The following IGSF11 variants were observed in gnomAD, a reference collection of about 807,000 sequenced individuals.
IGSF11 encodes the protein immunoglobulin superfamily member 11, also known as CXADR like 1.
IGSF11 carries 22 observed loss-of-function variants against 41.0 expected under a neutral mutation model. That is an observed-to-expected ratio of 0.54 (90% confidence interval 0.38 to 0.77). IGSF11 has a LOEUF of 0.77. Among genes scored for constraint, IGSF11 ranks in the 30% least tolerant of loss-of-function variants. IGSF11 has a pLI of 0.00. For synonymous variants in IGSF11, 219 were observed against 201.3 expected, an observed-to-expected ratio of 1.09 and a Z score of -0.74; for missense variants, 444 against 530.8, an observed-to-expected ratio of 0.84 and a Z score of 1.61.
At chr3:119,031,625 A>C (rs114229512) in intron 1 of IGSF11, among the ~76,000 whole-genome samples, 4 of 152,346 alleles carry the variant, frequency 2.6e-5, no homozygotes, top group African/African-American at 4.8e-5. Flanking sequence ...ACGCTTTTTA[A>C]GTGCTTGGTA....
At chr3:119,010,902 C>T (rs1389205192) in intron 1 of IGSF11, among the ~76,000 whole-genome samples, 3 of 152,156 alleles carry the variant, frequency 2.0e-5, no homozygotes, top group African/African-American at 7.2e-5. Flanking sequence ...TGGCTCTCTT[C>T]AGTAAATGTA....
rs572510273 is a variant in IGSF11, at chr3:118,953,600, C to T, written c.53-23325G>A. The stretch of plus-strand genomic sequence containing the variant: ...ATTTTTTTTATTATGGCCATTCTTG[C>T]AGAAGTAACATGGTATCGCATTGTG... On this transcript the variant is annotated intron_variant, in intron 1 of 6. Transcript: ENST00000393775. 2.6e-5 allele frequency among the ~76,000 whole-genome samples: 4 copies of T among 152,252 alleles called. No individual in the cohort carries two copies. In the South Asian group the frequency reaches 8.3e-4, roughly 32 times the overall value.
At chr3:118,917,876 G>A (rs1165715556) in intron 4 of IGSF11, among the ~76,000 whole-genome samples, 3 of 138,372 alleles carry the variant, frequency 2.2e-5, no homozygotes, top group Non-Finnish European at 3.1e-5. Context: ...CTGGCAAACC[G>A]AATCCAGCAG....
rs189902157 is a variant in IGSF11 at position 119,077,646 on chromosome 3, C to T, written c.49+27498G>A. ...GACAAGAATGCCTACTCTCAACTCT[C>T]CTATTCAACATAGCACTGGAAGTCC... On this transcript the variant is annotated intron_variant, in intron 1 of 6. Coordinates refer to the IGSF11 transcript ENST00000354673. Among the ~76,000 whole-genome samples the T allele has an allele frequency of 9.9e-5, 15 of 152,196 alleles. No homozygotes were observed. The East Asian group carries it at 2.9e-3, about 29-fold the overall frequency.
intron 1 of IGSF11, among the ~76,000 whole-genome samples, chr3:118,932,282 G>A (rs576472223): frequency 2.1e-4 from 32 of 152,194 alleles, no homozygotes; most frequent in Admixed American, 3.9e-4. Flanking sequence ...AATACATTCA[G>A]TCTATGACAG....
chr3:118,977,655 C>T (rs977772890), intron 1 of IGSF11, among the ~76,000 whole-genome samples: 8 of 152,170 alleles, frequency 5.3e-5, no homozygotes, highest in African/African-American at 1.7e-4. Flanking sequence ...GTGTGGAGAA[C>T]GGGTGAGAGA....
intron 1 of IGSF11, among the ~76,000 whole-genome samples, chr3:118,978,721 C>T (rs1039931566): frequency 6.6e-6 from 1 of 152,134 alleles, no homozygotes; most frequent in African/African-American, 2.4e-5. Context: ...ATTGCATGTA[C>T]CCAGAATCAA....
At chr3:119,034,452 T>C in intron 1 of IGSF11, 79 bp downstream of exon 1, 1 of 1,325,910 alleles carries the variant, frequency 7.5e-7, no homozygotes, top group Non-Finnish European at 9.9e-7. Context: ...GGAGGCTCTT[T>C]GCCGTCCCCA....
At chr3:118,911,721 CAGAGAGAGAGAGAGAGAA>C (rs1940330348) in intron 4 of IGSF11, among the ~76,000 whole-genome samples, 1 of 149,374 alleles carries the variant, frequency 6.7e-6, no homozygotes, top group Non-Finnish European at 1.5e-5. Context: ...AGAGGAGACA[CAGAGAGAGAGAGAGAGAA>C]AGAGAGAGAG....
chr3:118,928,774 C>T, intron 2 of IGSF11, 58 bp from the exon 3 acceptor site: 3 of 1,277,912 alleles, frequency 2.3e-6, no homozygotes, highest in Non-Finnish European at 3.3e-6. Context: ...AGACACAAAA[C>T]AATAACTATT....
intron 1 of IGSF11, among the ~76,000 whole-genome samples, chr3:118,999,316 C>G (rs1936577227): frequency 6.6e-6 from 1 of 152,000 alleles, no homozygotes; most frequent in Non-Finnish European, 1.5e-5. Flanking sequence ...GAAATGAATA[C>G]TTTCGAAAAC....
intron 1 of IGSF11, among the ~76,000 whole-genome samples, chr3:118,963,625 G>A (rs1945483558): frequency 6.6e-6 from 1 of 152,140 alleles, no homozygotes; most frequent in African/African-American, 2.4e-5. Flanking sequence ...TAGTAGTACT[G>A]AAGTGCTAAA....
At chr3:118,921,002 G>A (rs1941723824) in intron 4 of IGSF11, among the ~76,000 whole-genome samples, 1 of 151,892 alleles carries the variant, frequency 6.6e-6, no homozygotes. Context: ...CCCTCTACCT[G>A]GAATGCTCTC....
At chr3:119,034,114 A>C (rs550308998) in intron 1 of IGSF11, among the ~76,000 whole-genome samples, 25 of 152,352 alleles carry the variant, frequency 1.6e-4, no homozygotes, top group African/African-American at 5.5e-4. Flanking sequence ...AAAGCTATAA[A>C]GTTTTCCAAA....
chr3:119,086,760 A>G (rs2076682146), intron 1 of IGSF11, among the ~76,000 whole-genome samples: 1 of 152,232 alleles, frequency 6.6e-6, no homozygotes, highest in South Asian at 2.1e-4. Flanking sequence ...TCCTTAAGGG[A>G]GTGCTAAACA....
intron 1 of IGSF11, among the ~76,000 whole-genome samples, chr3:118,970,486 A>G (rs1933263337): frequency 6.6e-6 from 1 of 152,218 alleles, no homozygotes; most frequent in Non-Finnish European, 1.5e-5. Flanking sequence ...ATACTACATA[A>G]GCAAGAAAAT....
intron 1 of IGSF11, among the ~76,000 whole-genome samples, chr3:119,047,123 C>T (rs1390581943): frequency 6.7e-6 from 1 of 149,378 alleles, no homozygotes; most frequent in Non-Finnish European, 1.5e-5. Context: ...ATCATAATGA[C>T]AGGATCAAAT....
chr3:119,123,219 G>A (rs180921977), intron 1 of IGSF11, among the ~76,000 whole-genome samples: 50 of 152,326 alleles, frequency 3.3e-4, no homozygotes, highest in African/African-American at 9.9e-4. Context: ...AGTACTTTCC[G>A]TGGGCCTGTG....
chr3:118,968,502 C>T (rs1237465018), intron 1 of IGSF11, among the ~76,000 whole-genome samples: 2 of 152,130 alleles, frequency 1.3e-5, no homozygotes. Context: ...GGGAAGGAAA[C>T]TTATCCAAGC....
Sources: gnomAD v4.1 joint callset for allele counts (sites outside exome capture counted in the v4.1 genomes callset) on GRCh38, gnomAD v4.1.1 for gene constraint, MANE v1.5 for transcripts, NCBI Gene and HGNC (gene_info 2026-07-23, HGNC 2026-07-21) for gene names.